The following BICDL1 variants were observed in gnomAD, a reference collection of about 807,000 sequenced individuals.
The protein encoded by BICDL1 is BICD family-like cargo adapter 1.
In BICDL1, 20 loss-of-function variants were observed where a neutral mutation model predicts 76.8. That is an observed-to-expected ratio of 0.26 (90% CI 0.18 to 0.38). The LOEUF (loss-of-function observed/expected upper bound fraction) is 0.38, where lower values mean the gene tolerates loss of function less well. Ranked by LOEUF, BICDL1 falls within the 10% of genes least tolerant of loss-of-function variation. BICDL1 has a pLI of 1.00. For synonymous variants in BICDL1, 383 were observed against 337.1 expected, an observed-to-expected ratio of 1.14 and a Z score of -1.49; for missense variants, 700 against 798.6, an observed-to-expected ratio of 0.88 and a Z score of 1.49.
intron 2 of BICDL1, among the ~76,000 whole-genome samples, chr12:120,018,030 C>T (rs192650086): frequency 1.6e-4 from 24 of 152,218 alleles, no homozygotes; most frequent in African/African-American, 5.3e-4. Context: ...GGATAGGAAC[C>T]TTCTCCCCAC....
At chr12:120,012,451 C>G (rs1279964285) in intron 2 of BICDL1, among the ~76,000 whole-genome samples, 2 of 152,296 alleles carry the variant, frequency 1.3e-5, no homozygotes, top group Non-Finnish European at 2.9e-5. Flanking sequence ...AGAATTCCCC[C>G]TATACACACC....
chr12:120,013,343 G>T (rs938563835), intron 2 of BICDL1, among the ~76,000 whole-genome samples: 1 of 151,532 alleles, frequency 6.6e-6, no homozygotes, highest in African/African-American at 2.4e-5. Context: ...AAAGCCTGTG[G>T]TCCAAATTTT....
intron 4 of BICDL1, among the ~76,000 whole-genome samples, chr12:120,069,918 T>C (rs1287619417): frequency 2.6e-5 from 4 of 152,254 alleles, no homozygotes; most frequent in Admixed American, 1.3e-4. Flanking sequence ...TGTATACTTT[T>C]TATGTCTGGC....
intron 2 of BICDL1, among the ~76,000 whole-genome samples, chr12:120,044,132 A>G: frequency 6.6e-6 from 1 of 152,204 alleles, no homozygotes; most frequent in East Asian, 1.9e-4. Context: ...GGGAAGAAAA[A>G]GCCATACTGT....
At chr12:120,032,421 GAC>G (rs1447913576) in intron 2 of BICDL1, among the ~76,000 whole-genome samples, 1 of 152,192 alleles carries the variant, frequency 6.6e-6, no homozygotes, top group African/African-American at 2.4e-5. Context: ...TTAAAGAATT[GAC>G]AGTTTCTGCC....
intron 8 of BICDL1, among the ~76,000 whole-genome samples, chr12:120,089,304 G>GT (rs890259510): frequency 8.3e-5 from 10 of 121,086 alleles, no homozygotes; most frequent in African/African-American, 4.7e-4. Flanking sequence ...GTGTGTGTGT[G>GT]GGGTGTGACG....
At chr12:120,052,775 CTTTT>C (rs1952890669) in intron 2 of BICDL1, among the ~76,000 whole-genome samples, 2 of 152,110 alleles carry the variant, frequency 1.3e-5, no homozygotes, top group South Asian at 4.1e-4. Flanking sequence ...TGATGATTTT[CTTTT>C]GTTTTCTTTT....
In BICDL1 at chr12:120,092,538, CCT is replaced by C. The variant is rs1477648004; in HGVS notation, c.1705-461_1705-460del. The C allele has an allele frequency of 1.0e-5, 10 of 985,342 alleles. No homozygotes were observed. The Admixed American group carries it at 5.5e-4, about 54-fold the overall frequency. 61.0% of individuals were successfully genotyped at this position (985,342 alleles called of 1,614,324 possible). A position where few individuals can be genotyped will look rare whatever the true frequency, so the allele number is the denominator to read the frequency against. On this transcript the variant is annotated intron_variant, in intron 9 of 9. Coordinates refer to ENST00000548673, the MANE Select transcript of BICDL1 (RefSeq NM_001367886.1). ...TGGAAAGGAAAAGGCAGGAGGAGCCCCTGAGGCCAGGCCATTGGGCTGGGGAG... is the reference window on the plus strand; with the variant it reads ...TGGAAAGGAAAAGGCAGGAGGAGCCCGAGGCCAGGCCATTGGGCTGGGGAG...
At chr12:120,026,351 G>A (rs1000679172) in intron 2 of BICDL1, among the ~76,000 whole-genome samples, 11 of 152,138 alleles carry the variant, frequency 7.2e-5, no homozygotes, top group African/African-American at 2.7e-4. Context: ...TTGTAGGTGA[G>A]GGACAGATGG....
intron 2 of BICDL1, among the ~76,000 whole-genome samples, chr12:120,037,187 G>A (rs1165584784): frequency 6.6e-6 from 1 of 152,158 alleles, no homozygotes; most frequent in Non-Finnish European, 1.5e-5. Context: ...TATGTTGAAT[G>A]AAATGGGTAC....
At chr12:120,026,824 C>A (rs1952313268) in intron 2 of BICDL1, among the ~76,000 whole-genome samples, 1 of 152,132 alleles carries the variant, frequency 6.6e-6, no homozygotes, top group East Asian at 1.9e-4. Context: ...ACCTGCCCAG[C>A]ATTACTGTGA....
chr12:120,070,733 C>CT (rs72233478), intron 4 of BICDL1, among the ~76,000 whole-genome samples: 12,613 of 141,768 alleles, frequency 0.089, 649 homozygotes, highest in African/African-American at 0.15. Flanking sequence ...TGGTATAACT[C>CT]TTTTTTTTTT....
chr12:119,990,676 A>T (rs779161192), intron 1 of BICDL1, among the ~76,000 whole-genome samples: 2 of 152,214 alleles, frequency 1.3e-5, no homozygotes, highest in Non-Finnish European at 2.9e-5. Context: ...GTTAATCTCT[A>T]ATCAGGGTGT....
chr12:120,067,227 C>A (rs902246295), intron 4 of BICDL1, among the ~76,000 whole-genome samples: 2 of 152,256 alleles, frequency 1.3e-5, no homozygotes, highest in Admixed American at 1.3e-4. Context: ...GGGCATCTTA[C>A]AGATGTCTGC....
At chr12:120,004,682 G>A (rs1046701204) in intron 2 of BICDL1, among the ~76,000 whole-genome samples, 2 of 152,176 alleles carry the variant, frequency 1.3e-5, no homozygotes, top group Admixed American at 6.6e-5. Flanking sequence ...TCCCAATGGG[G>A]TGTTATTTTT....
intron 3 of BICDL1, 113 bp downstream of exon 3, chr12:120,061,939 G>C: frequency 1.5e-6 from 1 of 685,220 alleles, no homozygotes; most frequent in South Asian, 1.7e-5. Flanking sequence ...ATTTCTGTGC[G>C]AAACTAAATG....
chr12:120,054,722 C>CA (rs921390777), intron 2 of BICDL1, among the ~76,000 whole-genome samples: 54 of 151,438 alleles, frequency 3.6e-4, no homozygotes, highest in African/African-American at 1.1e-3. Context: ...ACTAAAAATG[C>CA]AAAAAAAATT....
rs1951473140 is a variant in BICDL1 at position 119,989,802 on chromosome 12, C to T, written c.-67C>T. ...GGGACGCGGGGCGGCGCGGCAGGGCCCCTCCCCCCTGCAGCCTGGCGCGCG... is the reference window on the plus strand; with the variant it reads ...GGGACGCGGGGCGGCGCGGCAGGGCTCCTCCCCCCTGCAGCCTGGCGCGCG... On this transcript the variant is annotated 5_prime_UTR_variant, in exon 1 of 10. Coordinates refer to ENST00000548673, the MANE Select transcript of BICDL1 (RefSeq NM_001367886.1). 2.7e-6 allele frequency: 2 copies of T among 748,632 alleles called. No individual in the cohort carries two copies. Among genetic ancestry groups the T allele is most frequent in the South Asian group, 6.0e-5 (1 of 16,646 alleles). The allele number at this position is 748,632 out of a possible 1,614,324, so 46.4% of individuals were successfully genotyped here.
At chr12:119,991,646 G>A (rs2138573491) in intron 1 of BICDL1, among the ~76,000 whole-genome samples, 1 of 152,120 alleles carries the variant, frequency 6.6e-6, no homozygotes, top group East Asian at 1.9e-4. Context: ...TCAGTTGTAC[G>A]ACTTTGTAAA....
Sources: gnomAD v4.1 joint callset for allele counts (sites outside exome capture counted in the v4.1 genomes callset) on GRCh38, gnomAD v4.1.1 for gene constraint, MANE v1.5 for transcripts, NCBI Gene and HGNC (gene_info 2026-07-23, HGNC 2026-07-21) for gene names.